GDE1: variants seen among roughly 807,000 people sequenced by gnomAD.
GDE1 encodes the protein glycerophosphodiester phosphodiesterase 1, also known as RGS16-interacting membrane protein.
Under a neutral mutation model 32.2 loss-of-function variants are expected in GDE1, and 24 were observed. The ratio of observed to expected loss-of-function variants is 0.75; its 90% CI spans 0.54 to 1.05. GDE1 has a LOEUF of 1.05. Among genes scored for constraint, GDE1 ranks in the 50% least tolerant of loss-of-function variants. GDE1 has a pLI of 0.00. For missense variants in GDE1, 380 were observed against 415.0 expected, an observed-to-expected ratio of 0.92 and a Z score of 0.73; for synonymous variants, 159 against 158.6, an observed-to-expected ratio of 1.00 and a Z score of -0.02.
rs1168635180 is a variant in GDE1 at position 19,504,981 on chromosome 16, A to G, written c.748T>C (p.Phe250Leu). The G allele has an allele frequency of 6.2e-7, 1 of 1,613,080 alleles. No individual in the cohort carries two copies. The highest frequency in any genetic ancestry group is 1.3e-5 in the African/African-American group (1 of 75,032). ...RYDTFWKHFIFVMMDILLDWS... is the reference protein window; with the variant it reads ...RYDTFWKHFILVMMDILLDWS... ...TCGAGCAAAATGTCCATCATAACAA[A>G]TATAAAATGTTTCCAGAAAGTATCA... is the stretch of plus-strand genomic sequence containing the variant. Residue 250 changes from phenylalanine (F) to leucine (L), a missense_variant, in exon 5 of 6, where the codon TTT (phenylalanine) becomes CTT (leucine). Physicochemically the swap from Phe to Leu is conservative, Grantham distance 22. Coordinates refer to ENST00000353258, the MANE Select transcript of GDE1 (RefSeq NM_016641.4).
At position 19,508,879 on chromosome 16, in the gene GDE1, T is replaced by G. The variant is rs116169832; in HGVS notation, c.544-1100A>C. On this transcript the variant is annotated intron_variant, in intron 3 of 5. Transcript: ENST00000353258. ...CACTTTGTTGCCTACACTTGTGCCT[T>G]TCTACTACCATCTTGGTGAATTAGG... is the stretch of plus-strand genomic sequence containing the variant. Among the ~76,000 whole-genome samples, 1,459 of 152,340 alleles carry G rather than the reference T, an allele frequency of 9.6e-3. 27 individuals are homozygous for G. The highest frequency in any genetic ancestry group is 0.033 in the African/African-American group (1,389 of 41,572).
rs766545567 is a variant in GDE1, at chr16:19,503,434, G to A, written c.*36C>T. The A allele has an allele frequency of 8.8e-6, 14 of 1,598,234 alleles. No homozygotes were observed. In the South Asian group the frequency reaches 1.2e-4, roughly 14 times the overall value. ...TTGATATCCCTGTATGAGGCCCCTG[G>A]CAGTTTCTGAACCCGTTTCGTCCCA... On this transcript the variant is annotated 3_prime_UTR_variant, in exon 6 of 6. Coordinates refer to ENST00000353258, the MANE Select transcript of GDE1 (RefSeq NM_016641.4).
chr16:19,518,810 T>C (rs1167041527), intron 1 of GDE1, among the ~76,000 whole-genome samples: 2 of 152,232 alleles, frequency 1.3e-5, no homozygotes, highest in Non-Finnish European at 2.9e-5. Flanking sequence ...ACGTCCTTTA[T>C]GGGTGGAGAT....
At chr16:19,513,121 T>C (rs1969340008) in intron 2 of GDE1, among the ~76,000 whole-genome samples, 1 of 152,152 alleles carries the variant, frequency 6.6e-6, no homozygotes, top group African/African-American at 2.4e-5. Context: ...ATTTTAGGAT[T>C]GTTGCTTTTC....
intron 2 of GDE1, among the ~76,000 whole-genome samples, chr16:19,512,673 T>C (rs1320605109): frequency 6.6e-6 from 1 of 152,130 alleles, no homozygotes; most frequent in Non-Finnish European, 1.5e-5. Context: ...TTTCTTCTAG[T>C]AGTTTTATAG....
chr16:19,506,577 G>A (rs569533767), intron 4 of GDE1, among the ~76,000 whole-genome samples: 9 of 152,186 alleles, frequency 5.9e-5, no homozygotes, highest in Admixed American at 3.9e-4. Context: ...GCTTGAACCC[G>A]GGAGGCAGAG....
intron 1 of GDE1, 38 bp from the exon 2 acceptor site, chr16:19,517,227 C>T: frequency 1.3e-6 from 2 of 1,539,072 alleles, no homozygotes; most frequent in African/African-American, 1.4e-5. Flanking sequence ...GTCAAATGGC[C>T]ACAAACATTA....
At chr16:19,516,050 G>A (rs1329996539) in intron 2 of GDE1, among the ~76,000 whole-genome samples, 1 of 152,172 alleles carries the variant, frequency 6.6e-6, no homozygotes, top group Admixed American at 6.5e-5. Context: ...ATCAGCTGAT[G>A]TGGACTGTTT....
intron 1 of GDE1, among the ~76,000 whole-genome samples, chr16:19,517,534 C>T (rs1379792502): frequency 6.6e-6 from 1 of 152,234 alleles, no homozygotes; most frequent in Non-Finnish European, 1.5e-5. Flanking sequence ...TGTTTACCTA[C>T]ACTATTTGTT....
At chr16:19,518,630 G>T (rs1969410800) in intron 1 of GDE1, among the ~76,000 whole-genome samples, 1 of 152,046 alleles carries the variant, frequency 6.6e-6, no homozygotes, top group South Asian at 2.1e-4. Flanking sequence ...CTTAAAGTTG[G>T]TGTATATCAT....
intron 2 of GDE1, among the ~76,000 whole-genome samples, 182 bp from the exon 3 acceptor site, chr16:19,511,126 G>A (rs377528665): frequency 2.8e-4 from 41 of 146,350 alleles, no homozygotes; most frequent in African/African-American, 8.6e-4. Context: ...TTTTTGAGAC[G>A]GAGTCTTGCT....
intron 3 of GDE1, among the ~76,000 whole-genome samples, chr16:19,510,061 T>C (rs1969298179): frequency 6.6e-6 from 1 of 152,142 alleles, no homozygotes; most frequent in Non-Finnish European, 1.5e-5. Context: ...ATTATTAATA[T>C]TGCTAGGGGA....
chr16:19,514,382 GCAA>G (rs1969355240), intron 2 of GDE1, among the ~76,000 whole-genome samples: 1 of 152,058 alleles, frequency 6.6e-6, no homozygotes. Flanking sequence ...CCAAAGACCA[GCAA>G]CAACAACAAA....
At chr16:19,507,813 G>A (rs1252350290) in intron 3 of GDE1, 34 bp from the exon 4 acceptor site, 3 of 997,648 alleles carry the variant, frequency 3.0e-6, no homozygotes, top group Non-Finnish European at 4.7e-6. Flanking sequence ...ATTTAAAATT[G>A]ATTAAAATGT....
intron 3 of GDE1, among the ~76,000 whole-genome samples, chr16:19,508,469 T>TGCTGCATAATTTGTGAAAC (rs1295088597): frequency 2.0e-5 from 3 of 152,248 alleles, no homozygotes; most frequent in Non-Finnish European, 4.4e-5. Flanking sequence ...GCAATGCTGC[T>TGCTGCATAATTTGTGAAAC]GCTGCATAAT....
chr16:19,517,078 G>T lies in GDE1; in HGVS notation c.373C>A (p.Arg125=). Residue 125 remains arginine (R), a synonymous_variant, in exon 2 of 6, where the codon CGA becomes AGA. Coordinates refer to ENST00000353258, the MANE Select transcript of GDE1 (RefSeq NM_016641.4). ...TGTTCAAATGTCAAATCACACAATC[G>T]CCCAGTCCCATCAGTCGTCCTATCT... is the stretch of plus-strand genomic sequence containing the variant. ...TVDRTTDGTG[R]LCDLTFEQIR... 2 of 1,613,976 alleles carry T rather than the reference G, an allele frequency of 1.2e-6. No individual in the cohort carries two copies. The highest frequency in any genetic ancestry group is 8.5e-7 in the Non-Finnish European group (1 of 1,179,890).
At chr16:19,509,291 G>T (rs768475778) in intron 3 of GDE1, among the ~76,000 whole-genome samples, 3 of 152,146 alleles carry the variant, frequency 2.0e-5, no homozygotes, top group Non-Finnish European at 4.4e-5. Context: ...GACAGAGTGA[G>T]ACTCTGTCTC....
At chr16:19,510,177 GTAA>G (rs981275212) in intron 3 of GDE1, among the ~76,000 whole-genome samples, 4 of 152,260 alleles carry the variant, frequency 2.6e-5, no homozygotes, top group Non-Finnish European at 4.4e-5. Flanking sequence ...GATTTTCACT[GTAA>G]TAATATGTTC....
chr16:19,511,068 G>T lies in GDE1; in HGVS notation c.438-124C>A. The T allele has an allele frequency of 5.6e-6, 3 of 536,314 alleles. No homozygotes were observed. The South Asian group carries it at 8.7e-5, about 16-fold the overall frequency. 33.2% of individuals were successfully genotyped at this position (536,314 alleles called of 1,614,324 possible). Reference sequence around the variant, plus strand: ...GTGTTTTCTCCAACTTCCTTTTTTCGACCATAGCAAAGTCCAAAGATACTT... The same window carrying T: ...GTGTTTTCTCCAACTTCCTTTTTTCTACCATAGCAAAGTCCAAAGATACTT... On this transcript the variant is annotated intron_variant, in intron 2 of 5. Transcript: ENST00000353258.
Sources: allele counts gnomAD v4.1 joint callset (sites outside exome capture counted in the v4.1 genomes callset), GRCh38; gene constraint gnomAD v4.1.1; transcripts MANE v1.5; gene names NCBI Gene and HGNC (gene_info 2026-07-23, HGNC 2026-07-21).